Variants in SALL1 observed in about 807,000 individuals in gnomAD.
SALL1 encodes spalt like transcription factor 1.
Under a neutral mutation model 73.1 loss-of-function variants are expected in SALL1, and 10 were observed. That is an observed-to-expected ratio of 0.14 (90% confidence interval 0.08 to 0.23). The LOEUF is 0.23. Ranked by LOEUF, SALL1 falls within the 10% of genes least tolerant of loss-of-function variation. SALL1 has a pLI of 1.00. For synonymous variants in SALL1, 688 were observed against 689.8 expected (o/e 1.00, Z 0.04); for missense variants, 1,520 against 1,697.3 (o/e 0.90, Z 1.84).
chr16:51,137,014 A>G lies in SALL1; in HGVS notation c.*98T>C. 1.0e-6 allele frequency: 1 copy of G among 1,000,782 alleles called. No homozygotes were observed. The highest frequency in any genetic ancestry group is 1.5e-6 in the Non-Finnish European group (1 of 657,660). The allele number at this position is 1,000,782 out of a possible 1,614,324, so 62.0% of individuals were successfully genotyped here. On this transcript the variant is annotated 3_prime_UTR_variant, in exon 3 of 3. Transcript: ENST00000251020. ...TGTAGTTCATAGATCTGGGGAACAG[A>G]AGGAAGGGGCGGGGCGGGGTGGGGG...
rs1962439455 is a variant in SALL1 at position 51,141,741 on chromosome 16, C to CGCCGCT, written c.475_480dup (p.Ser159_Gly160dup). 2 of 1,609,494 alleles carry CGCCGCT rather than the reference C, an allele frequency of 1.2e-6. No homozygotes were observed. The highest frequency in any genetic ancestry group is 1.7e-5 in the Admixed American group (1 of 59,836). On this transcript the variant is annotated inframe_insertion, in exon 2 of 3. Coordinates refer to ENST00000251020, the MANE Select transcript of SALL1 (RefSeq NM_002968.3). This position sits in a 1 kb window ranked among gnomAD's most constrained non-coding sequence, Gnocchi z 5.4. Reference sequence around the variant, plus strand: ...GTACCTGTGGAGGAGCTGCCGCCGCCGCCGCTGCTGCTGCTGCTGCTGCTG... The same window carrying CGCCGCT: ...GTACCTGTGGAGGAGCTGCCGCCGCCGCCGCTGCCGCTGCTGCTGCTGCTGCTGCTG...
In SALL1 at chr16:51,137,157, G is replaced by A; in HGVS notation, c.3930C>T (p.Arg1310=). ...MASSENGTNF[R]FTRFVEDSKE... ...TGCTGTCCTCCACGAAGCGGGTGAAGCGGAAGTTGGTTCCGTTCTCACTGC... is the reference window on the plus strand; with the variant it reads ...TGCTGTCCTCCACGAAGCGGGTGAAACGGAAGTTGGTTCCGTTCTCACTGC... The change falls in exon 3 of 3, where the codon CGC becomes CGT. Residue 1310 remains arginine, a synonymous_variant. Transcript: ENST00000251020. 3.1e-6 allele frequency: 5 copies of A among 1,614,162 alleles called. No homozygotes were observed. Among genetic ancestry groups the A allele is most frequent in the Non-Finnish European group, 4.2e-6 (5 of 1,180,040 alleles).
At chr16:51,146,820 G>A (rs906859586) in intron 1 of SALL1, among the ~76,000 whole-genome samples, 2 of 151,894 alleles carry the variant, frequency 1.3e-5, no homozygotes, top group Non-Finnish European at 2.9e-5. Flanking sequence ...TTTCTTTTTT[G>A]GGGGGAGGGG....
rs1238657472 is a variant in SALL1 at position 51,139,134 on chromosome 16, T to C, written c.3088A>G (p.Ile1030Val). 1.2e-6 allele frequency: 2 copies of C among 1,614,104 alleles called. No homozygotes were observed. Among genetic ancestry groups the C allele is most frequent in the African/African-American group, 2.7e-5 (2 of 74,940 alleles). ...YRSHTKERPF[I>V]CTVCNRGFST... ...AAGCCACGATTGCAAACTGTGCAAA[T>C]AAATGGTCTCTCTTTGGTATGACTT... Residue 1030 changes from isoleucine to valine, a missense_variant, in exon 2 of 3, where the codon ATT becomes GTT. Coordinates refer to ENST00000251020, the MANE Select transcript of SALL1 (RefSeq NM_002968.3).
chr16:51,140,261 C>T lies in SALL1; in HGVS notation c.1961G>A (p.Ser654Asn), dbSNP rs771746705. The T allele has an allele frequency of 6.2e-7, 1 of 1,614,186 alleles. No individual in the cohort carries two copies. The highest frequency in any genetic ancestry group is 8.5e-7 in the Non-Finnish European group (1 of 1,180,044). Reference protein sequence around the residue: ...SPAADCGPAGSATTFTNPLLP... With the variant: ...SPAADCGPAGNATTFTNPLLP... ...CAAAGGGTTGGTGAAGGTGGTGGCACTGCCCGCGGGGCCGCAGTCTGCCGC... is the reference window on the plus strand; with the variant it reads ...CAAAGGGTTGGTGAAGGTGGTGGCATTGCCCGCGGGGCCGCAGTCTGCCGC... The change falls in exon 2 of 3, where the codon AGT (serine) becomes AAT (asparagine). Residue 654 changes from serine (S) to asparagine (N), a missense_variant. Transcript: ENST00000251020. This position sits in a 1 kb window ranked among gnomAD's most constrained non-coding sequence, Gnocchi z 5.7.
chr16:51,152,259 C>T (rs1597238204), upstream of SALL1: 1 of 152,686 alleles, frequency 6.5e-6, no homozygotes, highest in Non-Finnish European at 1.5e-5. Context: ...GGCACTGATC[C>T]TCCAGCTTCT....
chr16:51,147,812 C>CACACACACACACAAAA (rs1343025123), intron 1 of SALL1, among the ~76,000 whole-genome samples: 1 of 144,804 alleles, frequency 6.9e-6, no homozygotes, highest in Admixed American at 7.0e-5. Flanking sequence ...CACACACATG[C>CACACACACACACAAAA]ACACATGCAC....
chr16:51,143,551 G>C lies in SALL1; in HGVS notation c.77-1406C>G, dbSNP rs766691576. Reference sequence around the variant, plus strand: ...ACTTGCAGAAAACAAAGTAATTGCAGATATGAATAAATGTAAAATCAAAAT... The same window carrying C: ...ACTTGCAGAAAACAAAGTAATTGCACATATGAATAAATGTAAAATCAAAAT... On this transcript the variant is annotated intron_variant, in intron 1 of 2. Coordinates refer to ENST00000251020, the MANE Select transcript of SALL1 (RefSeq NM_002968.3). 3.2e-4 allele frequency: 52 copies of C among 160,088 alleles called. 1 individual carries two copies. The highest frequency in any genetic ancestry group is 2.3e-3 in the Middle Eastern group (4 of 1,734). 9.9% of individuals were successfully genotyped at this position (160,088 alleles called of 1,614,324 possible).
intron 1 of SALL1, chr16:51,150,509 C>G (rs539646748): frequency 1.0e-6 from 1 of 985,814 alleles, no homozygotes; most frequent in Non-Finnish European, 1.2e-6. Flanking sequence ...CGGCCAGCAG[C>G]ACTCTCCACC....
intron 1 of SALL1, chr16:51,143,385 A>G (rs1431820991): frequency 2.4e-6 from 1 of 418,844 alleles, no homozygotes; most frequent in Non-Finnish European, 4.8e-6. Context: ...TGTTGTACAA[A>G]TGGTGTGTGG....
chr16:51,147,810 T>C (rs28416406), intron 1 of SALL1, among the ~76,000 whole-genome samples: 171 of 41,258 alleles, frequency 4.1e-3, no homozygotes, highest in South Asian at 0.015. Flanking sequence ...CACACACACA[T>C]GCACACATGC....
Position 51,139,950 on chromosome 16 carries a change from C to T in SALL1, c.2272G>A (p.Ala758Thr), listed in dbSNP as rs1962387104. 1 of 1,614,072 alleles carries T rather than the reference C, an allele frequency of 6.2e-7. No individual in the cohort carries two copies. Among genetic ancestry groups the T allele is most frequent in the South Asian group, 1.1e-5 (1 of 91,086 alleles). ...TGCTGGACTCTGAGCGGGGGCATAG[C>T]ACGATGGACACTGTAGTGGGTTTTA... ...NLKTHYSVHR[A>T]MPPLRVQHSC... Residue 758 changes from alanine to threonine, a missense_variant, in exon 2 of 3, where the codon GCT (alanine) becomes ACT (threonine). Physicochemically the swap from Ala to Thr is moderately conservative, Grantham distance 58 (BLOSUM62 0). Transcript: ENST00000251020.
intron 1 of SALL1, chr16:51,150,593 C>A: frequency 1.0e-6 from 1 of 985,928 alleles, no homozygotes; most frequent in South Asian, 4.7e-5. Flanking sequence ...TCTGAACCTC[C>A]AAAGACACCC....
chr16:51,145,231 CACA>C (rs1962498966), intron 1 of SALL1, among the ~76,000 whole-genome samples: 1 of 151,660 alleles, frequency 6.6e-6, no homozygotes, highest in African/African-American at 2.4e-5. Flanking sequence ...CACACACACA[CACA>C]CACACACACG....
chr16:51,151,359 C>T, upstream of SALL1: 1 of 466,030 alleles, frequency 2.1e-6, no homozygotes, highest in Non-Finnish European at 3.2e-6. Flanking sequence ...GGCCCGCCCG[C>T]CCCCTCCCCG....
At chr16:51,150,676 G>T in intron 1 of SALL1, 1 of 685,938 alleles carries the variant, frequency 1.5e-6, no homozygotes, top group Non-Finnish European at 1.8e-6. Context: ...CACGCTCGGA[G>T]TTCAGCCCAG....
chr16:51,146,590 G>C (rs1406476383), intron 1 of SALL1, among the ~76,000 whole-genome samples: 1 of 152,142 alleles, frequency 6.6e-6, no homozygotes, highest in Admixed American at 6.5e-5. Flanking sequence ...GGGTGACAGG[G>C]GAATAAGGTT....
At position 51,138,839 on chromosome 16, in the gene SALL1, C is replaced by G. The variant is rs1394018472; in HGVS notation, c.3383G>C (p.Arg1128Thr). Residue 1128 changes from arginine to threonine, a missense_variant, in exon 2 of 3, where the codon AGG becomes ACG. Around this residue, in one of 7 missense-constraint regions of SALL1, gnomAD observed 318 missense variants for 357.1 expected, o/e 0.89. Coordinates refer to ENST00000251020, the MANE Select transcript of SALL1 (RefSeq NM_002968.3). ...TSPVLLPALP[R>T]RTPKQHYCNT... ...GCAGTAGTGCTGCTTGGGAGTTCTC[C>G]TGGGCAGAGCAGGGAGCAGAACTGG... is the stretch of plus-strand genomic sequence containing the variant. 6.2e-7 allele frequency: 1 copy of G among 1,614,086 alleles called. No homozygotes were observed. The highest frequency in any genetic ancestry group is 8.5e-7 in the Non-Finnish European group (1 of 1,180,040).
At chr16:51,151,851 G>A (rs564589083), upstream of SALL1, among the ~76,000 whole-genome samples, 2,753 of 151,298 alleles carry the variant, frequency 0.018, 90 homozygotes, top group African/African-American at 0.063. Flanking sequence ...CTGGGGACCC[G>A]GGCTGCCGGC....
Sources: allele counts gnomAD v4.1 joint callset (sites outside exome capture counted in the v4.1 genomes callset), GRCh38; gene constraint gnomAD v4.1.1; regional missense constraint gnomAD v4.1.1; non-coding constraint Gnocchi (gnomAD v3.1); transcripts MANE v1.5; gene names NCBI Gene and HGNC (gene_info 2026-07-23, HGNC 2026-07-21).